Variants in SMARCAL1 observed in about 807,000 individuals in gnomAD.
SMARCAL1 encodes the protein SNF2 related chromatin remodeling annealing helicase 1.
Under a neutral mutation model 94.5 loss-of-function variants are expected in SMARCAL1, and 58 were observed. That is an observed-to-expected ratio of 0.61 (90% confidence interval 0.50 to 0.76). SMARCAL1 has a LOEUF of 0.76. Among genes scored for constraint, SMARCAL1 ranks in the 30% least tolerant of loss-of-function variants. The pLI is 0.00. For missense variants in SMARCAL1, 1,051 were observed against 1,177.9 expected (o/e 0.89, Z 1.58); for synonymous variants, 422 against 455.1 (o/e 0.93, Z 0.93).
chr2:216,457,510 A>G (rs1287120142), intron 12 of SMARCAL1, among the ~76,000 whole-genome samples: 16 of 152,374 alleles, frequency 1.1e-4, no homozygotes, highest in Middle Eastern at 6.8e-3. Flanking sequence ...GTGCAATCAA[A>G]CTAGAACTCA....
intron 14 of SMARCAL1, among the ~76,000 whole-genome samples, chr2:216,469,078 C>A (rs544128382): frequency 6.6e-6 from 1 of 152,156 alleles, no homozygotes; most frequent in South Asian, 2.1e-4. Context: ...TATTCCCCTT[C>A]CATCTCTCCA....
intron 12 of SMARCAL1, among the ~76,000 whole-genome samples, chr2:216,459,031 C>T (rs1163299130): frequency 6.6e-6 from 1 of 151,248 alleles, no homozygotes; most frequent in Non-Finnish European, 1.5e-5. Context: ...CATTCTTATA[C>T]ACCAATAACA....
chr2:216,438,847 A>G (rs950949647), intron 10 of SMARCAL1, among the ~76,000 whole-genome samples: 2 of 152,146 alleles, frequency 1.3e-5, no homozygotes, highest in African/African-American at 4.8e-5. Context: ...AGCTTAGAAA[A>G]AACTGCCTGT....
chr2:216,448,214 T>C (rs1694360559), intron 11 of SMARCAL1, among the ~76,000 whole-genome samples: 1 of 152,236 alleles, frequency 6.6e-6, no homozygotes, highest in Non-Finnish European at 1.5e-5. Context: ...TCTTTAATCA[T>C]ATATTTAGTT....
intron 5 of SMARCAL1, among the ~76,000 whole-genome samples, chr2:216,422,696 T>C (rs546581289): frequency 6.6e-6 from 1 of 152,364 alleles, no homozygotes; most frequent in African/African-American, 2.4e-5. Context: ...TGACTCTGTG[T>C]CCATGATGCC....
chr2:216,439,225 G>A (rs1694144403), intron 10 of SMARCAL1, among the ~76,000 whole-genome samples: 2 of 152,074 alleles, frequency 1.3e-5, no homozygotes, highest in African/African-American at 4.8e-5. Context: ...GTTCTGATGT[G>A]CAATATAGGC....
At chr2:216,444,392 GA>G (rs909573406) in intron 10 of SMARCAL1, among the ~76,000 whole-genome samples, 7 of 147,508 alleles carry the variant, frequency 4.7e-5, no homozygotes, top group East Asian at 3.9e-4. Context: ...GGCTCAATTG[GA>G]AAAAAAAAAG....
chr2:216,436,825 C>T (rs1158658349), intron 9 of SMARCAL1, among the ~76,000 whole-genome samples: 2 of 152,144 alleles, frequency 1.3e-5, no homozygotes, highest in African/African-American at 2.4e-5. Context: ...ATCTTTTATC[C>T]TTGTGAATTA....
rs73072255 is a variant in SMARCAL1, at chr2:216,416,490, G to A, written c.862+183G>A. 0.022 allele frequency among the ~76,000 whole-genome samples: 3,350 copies of A among 152,290 alleles called. 125 individuals carry two copies. The highest frequency in any genetic ancestry group is 0.077 in the African/African-American group (3,189 of 41,538). ...TGAGGCAGCTCTGTGGGTGAAGGCC[G>A]TTAGTAGTATTAACAAAAGCTAGCA... On this transcript the variant is annotated intron_variant, in intron 4 of 17. Transcript: ENST00000357276.
intron 8 of SMARCAL1, 87 bp downstream of exon 8, chr2:216,432,955 GGGATCTTTAA>G: frequency 2.6e-6 from 4 of 1,537,052 alleles, no homozygotes; most frequent in Middle Eastern, 1.7e-4. Context: ...ACAGGGCCTA[GGGATCTTTAA>G]GGATCCTGTC....
intron 17 of SMARCAL1, among the ~76,000 whole-genome samples, chr2:216,480,934 A>C (rs2106092666): frequency 6.6e-6 from 1 of 152,270 alleles, no homozygotes; most frequent in East Asian, 1.9e-4. Flanking sequence ...AAGAAGCCTG[A>C]GGCAGGAAGC....
At chr2:216,468,646 G>A (rs901052873) in intron 14 of SMARCAL1, among the ~76,000 whole-genome samples, 1 of 152,108 alleles carries the variant, frequency 6.6e-6, no homozygotes, top group African/African-American at 2.4e-5. Flanking sequence ...ACATTTGAAT[G>A]TACTTTAAGA....
At chr2:216,479,922 C>T (rs1695161508) in intron 17 of SMARCAL1, among the ~76,000 whole-genome samples, 1 of 152,138 alleles carries the variant, frequency 6.6e-6, no homozygotes, top group African/African-American at 2.4e-5. Context: ...CATGATGGCA[C>T]ATGCCTGTAT....
chr2:216,424,422 T>C (rs1161489900), intron 6 of SMARCAL1, among the ~76,000 whole-genome samples: 2 of 152,216 alleles, frequency 1.3e-5, no homozygotes, highest in African/African-American at 4.8e-5. Context: ...GCATGGCTTA[T>C]GTTCCTCTGC....
Position 216,416,433 on chromosome 2 carries a change from C to T in SMARCAL1, c.862+126C>T, listed in dbSNP as rs978322630. 7.0e-4 allele frequency: 552 copies of T among 788,456 alleles called. 1 individual carries two copies. The highest frequency in any genetic ancestry group is 1.1e-3 in the Non-Finnish European group (509 of 448,522). The allele number at this position is 788,456 out of a possible 1,614,324, so 48.8% of individuals were successfully genotyped here. ...TGGTGAAAGCTTTCAGGGCACCCCC[C>T]CCAACACTCCTTCCCACTCTGTCTA... On this transcript the variant is annotated intron_variant, in intron 4 of 17. Transcript: ENST00000357276.
intron 4 of SMARCAL1, among the ~76,000 whole-genome samples, chr2:216,419,808 T>C (rs979923517): frequency 6.6e-6 from 1 of 151,970 alleles, no homozygotes; most frequent in African/African-American, 2.4e-5. Context: ...GGTGCGTAGA[T>C]GGTTTGAGCT....
chr2:216,436,221 G>A (rs1354771809), intron 9 of SMARCAL1, among the ~76,000 whole-genome samples: 1 of 152,100 alleles, frequency 6.6e-6, no homozygotes, highest in Non-Finnish European at 1.5e-5. Flanking sequence ...CACCCACCTT[G>A]GCCTCCCAAA....
chr2:216,447,760 G>A (rs193113599), intron 11 of SMARCAL1, among the ~76,000 whole-genome samples: 128 of 152,286 alleles, frequency 8.4e-4, no homozygotes, highest in Middle Eastern at 3.4e-3. Flanking sequence ...TGCCAATGGC[G>A]CAGGCACCTC....
Position 216,447,159 on chromosome 2 carries a change from G to A in SMARCAL1, c.1851+1G>A, listed in dbSNP as rs1367550528. 6.2e-7 allele frequency: 1 copy of A among 1,613,960 alleles called. No individual in the cohort carries two copies. Among genetic ancestry groups the A allele is most frequent in the Non-Finnish European group, 8.5e-7 (1 of 1,180,012 alleles). ...ACTTCGCTACTGTGATGCCAAACGG[G>A]TATGTATTATCTCTTCCCTCCCAGC... is the stretch of plus-strand genomic sequence containing the variant. On this transcript the variant is annotated splice_donor_variant, in intron 11 of 17. Coordinates refer to ENST00000357276, the MANE Select transcript of SMARCAL1 (RefSeq NM_014140.4). LOFTEE classifies it high-confidence loss of function.
Sources: allele counts gnomAD v4.1 joint callset (sites outside exome capture counted in the v4.1 genomes callset), GRCh38; gene constraint gnomAD v4.1.1; transcripts MANE v1.5; gene names NCBI Gene and HGNC (gene_info 2026-07-23, HGNC 2026-07-21).